Variants in MBD5 observed in about 807,000 individuals in gnomAD.
MBD5 encodes the protein methyl-CpG binding domain protein 5, also known as methyl-CpG-binding domain protein 5.
In MBD5, 13 loss-of-function variants were observed where a neutral mutation model predicts 117.3. That is an observed-to-expected ratio of 0.11 (90% CI 0.07 to 0.18). The LOEUF (loss-of-function observed/expected upper bound fraction) is 0.18. MBD5 is among the 10% of genes least tolerant of loss of function. The pLI is 1.00. For synonymous variants in MBD5, 727 were observed against 766.4 expected (o/e 0.95, Z 0.85); for missense variants, 1,879 against 2,093.8 (o/e 0.90, Z 2.00).
intron 2 of MBD5, among the ~76,000 whole-genome samples, chr2:148,185,272 T>A (rs113448650): frequency 5.9e-5 from 9 of 152,308 alleles, no homozygotes; most frequent in African/African-American, 1.9e-4. Context: ...TCACCCCACT[T>A]TCTTCCCTGG....
chr2:148,237,037 T>C (rs1483855582), intron 3 of MBD5, among the ~76,000 whole-genome samples: 2 of 152,226 alleles, frequency 1.3e-5, no homozygotes, highest in South Asian at 4.1e-4. Context: ...AAACTTTTCT[T>C]CTGCAGCTTC....
chr2:148,364,324 T>C (rs1446640274), intron 4 of MBD5, among the ~76,000 whole-genome samples: 1 of 152,172 alleles, frequency 6.6e-6, no homozygotes, highest in African/African-American at 2.4e-5. Flanking sequence ...AGGCCTACCT[T>C]ACAAGAGCTC....
At chr2:148,283,081 A>G (rs1336350624) in intron 3 of MBD5, among the ~76,000 whole-genome samples, 5 of 152,070 alleles carry the variant, frequency 3.3e-5, no homozygotes, top group Non-Finnish European at 7.4e-5. Flanking sequence ...CTGGATGTCC[A>G]TTTCTTCATT....
intron 4 of MBD5, among the ~76,000 whole-genome samples, chr2:148,354,436 G>T (rs539908257): frequency 6.6e-6 from 1 of 152,290 alleles, no homozygotes; most frequent in Non-Finnish European, 1.5e-5. Flanking sequence ...CCCTGCAAAG[G>T]ACATGAACTC....
intron 2 of MBD5, among the ~76,000 whole-genome samples, chr2:148,187,350 A>G (rs1164728182): frequency 6.6e-6 from 1 of 151,750 alleles, no homozygotes; most frequent in African/African-American, 2.4e-5. Context: ...TCCTGATACT[A>G]TGAGGCATAA....
chr2:148,118,943 C>T (rs1173783310), intron 1 of MBD5, among the ~76,000 whole-genome samples: 7 of 152,178 alleles, frequency 4.6e-5, no homozygotes, highest in East Asian at 3.9e-4. Context: ...GATGGGCATT[C>T]GAGTTGTTTC....
At chr2:148,187,732 A>G (rs1360607230) in intron 2 of MBD5, among the ~76,000 whole-genome samples, 2 of 152,100 alleles carry the variant, frequency 1.3e-5, no homozygotes, top group Non-Finnish European at 2.9e-5. Context: ...AGAAAAAAAA[A>G]ATCCACTGAG....
intron 4 of MBD5, among the ~76,000 whole-genome samples, chr2:148,376,595 A>G (rs1362566028): frequency 1.3e-5 from 2 of 149,590 alleles, no homozygotes; most frequent in African/African-American, 4.9e-5. Flanking sequence ...TTTCAATAAA[A>G]TGTACTTAGT....
chr2:148,467,403 T>G (rs1680587084), intron 7 of MBD5, among the ~76,000 whole-genome samples: 1 of 152,050 alleles, frequency 6.6e-6, no homozygotes, highest in Non-Finnish European at 1.5e-5. Flanking sequence ...GAAGGAGAAA[T>G]GCACTCATGT....
At chr2:148,343,279 G>A (rs1484711902) in intron 4 of MBD5, among the ~76,000 whole-genome samples, 4 of 151,992 alleles carry the variant, frequency 2.6e-5, no homozygotes, top group Non-Finnish European at 5.9e-5. Context: ...TTTGCTTTTG[G>A]ATATGTACCA....
At chr2:148,329,363 A>G (rs992985492) in intron 3 of MBD5, among the ~76,000 whole-genome samples, 2 of 152,196 alleles carry the variant, frequency 1.3e-5, no homozygotes, top group African/African-American at 4.8e-5. Context: ...CTGTGAGCTT[A>G]TTTGGAATAT....
Position 148,313,832 on chromosome 2 carries a change from T to C in MBD5, c.-679-28382T>C, listed in dbSNP as rs190451400. Reference sequence around the variant, plus strand: ...AAGACCATGGGAAAAGCAGAGTATCTGGGCTGGAATGCACTGTTCCTAATG... The same window carrying C: ...AAGACCATGGGAAAAGCAGAGTATCCGGGCTGGAATGCACTGTTCCTAATG... On this transcript the variant is annotated intron_variant, in intron 3 of 13. Coordinates refer to ENST00000642680, the MANE Select transcript of MBD5 (RefSeq NM_001378120.1). Among the ~76,000 whole-genome samples the C allele has an allele frequency of 3.2e-3, 493 of 152,258 alleles. 3 individuals carry two copies. Among genetic ancestry groups the C allele is most frequent in the Non-Finnish European group, 5.9e-3 (398 of 68,024 alleles).
Position 148,155,563 on chromosome 2 carries a change from C to T in MBD5, c.-924-23137C>T, listed in dbSNP as rs115732006. ...TTTATTGATTCCAACTCCTATGTTA[C>T]TCTTCTGCCTATGCTCTTCTTCATC... is the stretch of plus-strand genomic sequence containing the variant. On this transcript the variant is annotated intron_variant, in intron 1 of 13. Coordinates refer to ENST00000642680, the MANE Select transcript of MBD5 (RefSeq NM_001378120.1). 4.4e-3 allele frequency among the ~76,000 whole-genome samples: 671 copies of T among 152,112 alleles called. 3 individuals carry two copies. The highest frequency in any genetic ancestry group is 0.015 in the African/African-American group (631 of 41,384).
At chr2:148,308,487 CTTTCTTTTT>C (rs1701948900) in intron 3 of MBD5, among the ~76,000 whole-genome samples, 1 of 27,716 alleles carries the variant, frequency 3.6e-5, no homozygotes, top group Non-Finnish European at 9.6e-5. Context: ...TGATGGGGTT[CTTTCTTTTT>C]TTTTTTTTTT....
At chr2:148,405,957 G>A (rs1384105613) in intron 4 of MBD5, among the ~76,000 whole-genome samples, 3 of 151,862 alleles carry the variant, frequency 2.0e-5, no homozygotes, top group Non-Finnish European at 4.4e-5. Context: ...AATCTCTATA[G>A]AAAATATAGC....
At chr2:148,454,413 G>A (rs1181691643) in intron 4 of MBD5, among the ~76,000 whole-genome samples, 1 of 152,140 alleles carries the variant, frequency 6.6e-6, no homozygotes. Flanking sequence ...AACAGAGATA[G>A]ATCTAGGTAC....
intron 2 of MBD5, among the ~76,000 whole-genome samples, chr2:148,196,644 T>C (rs567637152): frequency 6.6e-6 from 1 of 152,282 alleles, no homozygotes; most frequent in African/African-American, 2.4e-5. Context: ...CTTGGTGTCT[T>C]TTATGAAATG....
intron 3 of MBD5, among the ~76,000 whole-genome samples, chr2:148,254,457 T>C (rs1336665121): frequency 3.9e-5 from 6 of 152,156 alleles, no homozygotes; most frequent in Non-Finnish European, 5.9e-5. Flanking sequence ...TCTACAGTTA[T>C]GACACCTGCT....
chr2:148,463,660 A>G, intron 6 of MBD5, 79 bp from the exon 7 acceptor site: 2 of 1,541,272 alleles, frequency 1.3e-6, no homozygotes, highest in Non-Finnish European at 8.9e-7. Flanking sequence ...TCTATGCACA[A>G]CTTTTTTTTT....
Sources: allele counts gnomAD v4.1 joint callset (sites outside exome capture counted in the v4.1 genomes callset), GRCh38; gene constraint gnomAD v4.1.1; transcripts MANE v1.5; gene names NCBI Gene and HGNC (gene_info 2026-07-23, HGNC 2026-07-21).